Variants in ANAPC1 observed in about 807,000 individuals in gnomAD.
The protein encoded by ANAPC1 is anaphase promoting complex subunit 1.
Under a neutral mutation model 208.0 loss-of-function variants are expected in ANAPC1, and 36 were observed. The ratio of observed to expected loss-of-function variants is 0.17; its 90% confidence interval spans 0.13 to 0.23. The LOEUF (loss-of-function observed/expected upper bound fraction) is 0.23, where lower values mean the gene tolerates loss of function less well. Ranked by LOEUF, ANAPC1 falls within the 10% of genes least tolerant of loss-of-function variation. The probability of loss-of-function intolerance (pLI) is 1.00; values close to 1 mark genes in which losing one functional copy is unlikely to be tolerated. For missense variants in ANAPC1, 942 were observed against 2,011.6 expected (o/e 0.47, Z 10.17); for synonymous variants, 378 against 695.2 (o/e 0.54, Z 7.18).
Position 111,782,875 on chromosome 2 carries a change from A to G in ANAPC1, c.5064-368T>C, listed in dbSNP as rs553094465. 3.9e-3 allele frequency among the ~76,000 whole-genome samples: 588 copies of G among 152,282 alleles called. 3 individuals are homozygous for G. Among genetic ancestry groups the G allele is most frequent in the African/African-American group, 0.011 (452 of 41,544 alleles). On this transcript the variant is annotated intron_variant, in intron 42 of 47. Transcript: ENST00000341068. ...ATTAATTGGTTTGCAGCAAGAAGAA[A>G]ATAATGCTGCAAATCTAAGGACAGA...
chr2:111,873,484 T>A, intron 4 of ANAPC1, 76 bp from the exon 5 acceptor site: 1 of 1,533,448 alleles, frequency 6.5e-7, no homozygotes, highest in East Asian at 2.3e-5. Flanking sequence ...ACAAATTATT[T>A]AATGCACAAT....
rs144048973 is a variant in ANAPC1, at chr2:111,784,531, C to T, written c.4918-131G>A. The T allele has an allele frequency of 2.9e-3, 3,412 of 1,180,308 alleles. 32 individuals are homozygous for T. The highest frequency in any genetic ancestry group is 0.019 in the Middle Eastern group (81 of 4,350). The allele number at this position is 1,180,308 out of a possible 1,614,324, so 73.1% of individuals were successfully genotyped here. A position where few individuals can be genotyped will look rare whatever the true frequency, so the allele number is the denominator to read the frequency against. ...AGAGACCTTTAAATGGTATAAAATC[C>T]TCTCTGGTACTCAAATCTTAAAGGA... On this transcript the variant is annotated intron_variant, in intron 40 of 47. Coordinates refer to ENST00000341068, the MANE Select transcript of ANAPC1 (RefSeq NM_022662.4).
At chr2:111,802,321 C>T in intron 33 of ANAPC1, 107 bp downstream of exon 33, 7 of 892,066 alleles carry the variant, frequency 7.8e-6, no homozygotes, top group Non-Finnish European at 3.7e-6. Context: ...CCTCAACCTT[C>T]TGAAGTGCTG....
At chr2:111,778,049 T>G (rs1677080945) in intron 45 of ANAPC1, among the ~76,000 whole-genome samples, 1 of 152,288 alleles carries the variant, frequency 6.6e-6, no homozygotes, top group Non-Finnish European at 1.5e-5. Flanking sequence ...TTGGCTTAAC[T>G]CCAAATCTGG....
At position 111,792,563 on chromosome 2, in the gene ANAPC1, G is replaced by A. The variant is rs1422422978; in HGVS notation, c.4519-8C>T. On this transcript the variant is annotated splice_polypyrimidine_tract_variant and splice_region_variant and intron_variant, in intron 37 of 47. Transcript: ENST00000341068. ...TAGGTTATGAGGACCTGTCTGTCAG[G>A]TGAAGAGATGACATCACTGTAACTG... 3.1e-6 allele frequency: 5 copies of A among 1,609,174 alleles called. No homozygotes were observed. Among genetic ancestry groups the A allele is most frequent in the Admixed American group, 1.7e-5 (1 of 58,940 alleles).
intron 21 of ANAPC1, among the ~76,000 whole-genome samples, chr2:111,829,887 T>C (rs1304567810): frequency 2.6e-5 from 4 of 151,890 alleles, no homozygotes; most frequent in African/African-American, 4.8e-5. Context: ...CTGGACAATA[T>C]GGTGAAACCC....
chr2:111,856,012 G>A (rs941675633), intron 13 of ANAPC1, among the ~76,000 whole-genome samples: 1 of 152,190 alleles, frequency 6.6e-6, no homozygotes, highest in Non-Finnish European at 1.5e-5. Context: ...GAGGTGGGTG[G>A]ATCACGAGGT....
In ANAPC1 at chr2:111,872,697, G is replaced by C. The variant is rs781168837; in HGVS notation, c.544C>G (p.Pro182Ala). The C allele has an allele frequency of 1.2e-6, 2 of 1,613,394 alleles. No individual in the cohort carries two copies. Among genetic ancestry groups the C allele is most frequent in the South Asian group, 2.2e-5 (2 of 91,054 alleles). ...SLPFQVANVW[P>A]TKYGLLFERS... is the part of the protein sequence containing the mutation. ...TCAAACAGCAATCCATATTTAGTGG[G>C]CCAAACATTTGCAACCTTTCAGGTA... Residue 182 changes from proline to alanine, a missense_variant, in exon 6 of 48, where the codon CCC (proline) becomes GCC (alanine). Physicochemically the swap from Pro to Ala is conservative, Grantham distance 27 (BLOSUM62 -1). Coordinates refer to ENST00000341068, the MANE Select transcript of ANAPC1 (RefSeq NM_022662.4).
At chr2:111,866,369 T>C (rs1346624455) in intron 7 of ANAPC1, 12 of 232,506 alleles carry the variant, frequency 5.2e-5, no homozygotes, top group Non-Finnish European at 1.0e-4. Flanking sequence ...GGAATCCACC[T>C]TGTAAAGCCC....
At chr2:111,812,619 C>T (rs1367968978) in intron 28 of ANAPC1, among the ~76,000 whole-genome samples, 4 of 146,850 alleles carry the variant, frequency 2.7e-5, no homozygotes, top group Admixed American at 2.1e-4. Flanking sequence ...TCTCTCCTGA[C>T]TCTATAAAAG....
intron 18 of ANAPC1, 68 bp from the exon 19 acceptor site, chr2:111,834,940 A>T: frequency 1.6e-6 from 2 of 1,267,884 alleles, no homozygotes; most frequent in South Asian, 4.5e-5. Context: ...AAGAAAATTA[A>T]TTCACTTAAA....
At chr2:111,880,480 G>C (rs1044895804) in intron 2 of ANAPC1, 133 bp downstream of exon 2, 2 of 1,431,124 alleles carry the variant, frequency 1.4e-6, no homozygotes, top group African/African-American at 2.9e-5. Flanking sequence ...AACATTTATT[G>C]AAATTACCAC....
At position 111,857,110 on chromosome 2, in the gene ANAPC1, A is replaced by C. The variant is rs1458384151; in HGVS notation, c.1359-224T>G. The stretch of plus-strand genomic sequence containing the variant: ...ATAAGGAGTTAACGTAAGACAGATA[A>C]AGATGTTTTGTATCTTGATTGTGGT... On this transcript the variant is annotated intron_variant, in intron 11 of 47. Transcript: ENST00000341068. The C allele has an allele frequency of 1.1e-5, 5 of 473,218 alleles. No homozygotes were observed. In the Admixed American group the frequency reaches 1.7e-4, roughly 16 times the overall value. The allele number at this position is 473,218 out of a possible 1,614,324, so 29.3% of individuals were successfully genotyped here.
At chr2:111,792,794 A>G (rs548558079) in intron 37 of ANAPC1, among the ~76,000 whole-genome samples, 21 of 151,888 alleles carry the variant, frequency 1.4e-4, no homozygotes, top group African/African-American at 5.1e-4. Context: ...CTACTAAAAA[A>G]TACAAAAAGT....
intron 14 of ANAPC1, among the ~76,000 whole-genome samples, chr2:111,850,408 T>C (rs980115938): frequency 6.6e-6 from 1 of 152,238 alleles, no homozygotes. Context: ...GTCCTCCCAT[T>C]GGATGTTATC....
At chr2:111,880,312 C>T (rs1023933914) in intron 2 of ANAPC1, among the ~76,000 whole-genome samples, 17 of 152,012 alleles carry the variant, frequency 1.1e-4, no homozygotes, top group African/African-American at 3.1e-4. Flanking sequence ...GCAGAGGTTG[C>T]GGTGAGCCAA....
chr2:111,801,202 C>T (rs538936933), intron 33 of ANAPC1, among the ~76,000 whole-genome samples: 138 of 151,612 alleles, frequency 9.1e-4, no homozygotes, highest in Non-Finnish European at 1.4e-3. Flanking sequence ...ACTAAAAATA[C>T]AAAAATTAGC....
chr2:111,820,041 A>C (rs1332178053), intron 26 of ANAPC1, among the ~76,000 whole-genome samples: 2 of 152,232 alleles, frequency 1.3e-5, no homozygotes, highest in East Asian at 3.8e-4. Flanking sequence ...ATATCCCCTG[A>C]ATATAAGATG....
At chr2:111,879,541 T>G (rs1253612761) in intron 2 of ANAPC1, among the ~76,000 whole-genome samples, 1 of 152,232 alleles carries the variant, frequency 6.6e-6, no homozygotes, top group Non-Finnish European at 1.5e-5. Context: ...GGGATTCATT[T>G]TCTGACACAC....
Sources: allele counts gnomAD v4.1 joint callset (sites outside exome capture counted in the v4.1 genomes callset), GRCh38; gene constraint gnomAD v4.1.1; transcripts MANE v1.5; gene names NCBI Gene and HGNC (gene_info 2026-07-23, HGNC 2026-07-21).